Variants in PRKCE observed in about 807,000 individuals in gnomAD.
PRKCE encodes the protein protein kinase C epsilon type.
PRKCE carries 16 observed loss-of-function variants against 85.4 expected under a neutral mutation model. The ratio of observed to expected loss-of-function variants is 0.19; its 90% confidence interval spans 0.13 to 0.28. The LOEUF (loss-of-function observed/expected upper bound fraction) is 0.28, where lower values mean the gene tolerates loss of function less well. Among genes scored for constraint, PRKCE ranks in the 10% least tolerant of loss-of-function variants. The probability of loss-of-function intolerance (pLI) is 1.00; values close to 1 mark genes in which losing one functional copy is unlikely to be tolerated. For missense variants in PRKCE, 573 were observed against 975.2 expected, an observed-to-expected ratio of 0.59 and a Z score of 5.49; for synonymous variants, 388 against 371.5, an observed-to-expected ratio of 1.04 and a Z score of -0.51.
At chr2:46,087,729 C>G (rs1475998591) in intron 11 of PRKCE, among the ~76,000 whole-genome samples, 1 of 152,228 alleles carries the variant, frequency 6.6e-6, no homozygotes, top group Non-Finnish European at 1.5e-5. Context: ...CATGACTTAC[C>G]TACATGCCCT....
chr2:46,021,983 A>G (rs562769190), intron 10 of PRKCE, among the ~76,000 whole-genome samples: 2 of 152,022 alleles, frequency 1.3e-5, no homozygotes, highest in Admixed American at 6.5e-5. Context: ...CTTTCCCCAT[A>G]TAACCCGAAC....
chr2:45,746,499 T>G (rs1332132488), intron 1 of PRKCE, among the ~76,000 whole-genome samples: 1 of 152,174 alleles, frequency 6.6e-6, no homozygotes, highest in Non-Finnish European at 1.5e-5. Flanking sequence ...TAGGAGTGTA[T>G]CCATTCCCTA....
At chr2:46,091,013 C>T (rs1193034287) in intron 11 of PRKCE, among the ~76,000 whole-genome samples, 3 of 152,174 alleles carry the variant, frequency 2.0e-5, no homozygotes, top group Non-Finnish European at 4.4e-5. Context: ...TAAGAGAAGT[C>T]ATTTCTCTGG....
At chr2:46,141,525 A>G (rs1390860594) in intron 11 of PRKCE, among the ~76,000 whole-genome samples, 1 of 152,218 alleles carries the variant, frequency 6.6e-6, no homozygotes, top group Non-Finnish European at 1.5e-5. Context: ...TGCAGGAGGG[A>G]GAATTTTTAC....
chr2:46,044,932 T>A (rs1708429037), intron 10 of PRKCE, among the ~76,000 whole-genome samples: 1 of 152,242 alleles, frequency 6.6e-6, no homozygotes, highest in African/African-American at 2.4e-5. Context: ...CATGTTTGTA[T>A]CTTCTTATTC....
At chr2:45,851,449 G>C (rs1244542002) in intron 2 of PRKCE, among the ~76,000 whole-genome samples, 3 of 152,170 alleles carry the variant, frequency 2.0e-5, no homozygotes, top group Admixed American at 6.5e-5. Flanking sequence ...GTGTGTGTTT[G>C]GGAGGGGTAT....
chr2:45,740,041 G>A (rs894103383), intron 1 of PRKCE, among the ~76,000 whole-genome samples: 1 of 152,064 alleles, frequency 6.6e-6, no homozygotes, highest in Non-Finnish European at 1.5e-5. Context: ...TGTCAGCCAG[G>A]CATGGTGGCT....
chr2:46,013,214 C>T, intron 10 of PRKCE, among the ~76,000 whole-genome samples: 1 of 152,192 alleles, frequency 6.6e-6, no homozygotes, highest in South Asian at 2.1e-4. Flanking sequence ...GTGACTTTCC[C>T]TATGACAAAC....
chr2:46,171,516 G>A (rs1014374790), intron 14 of PRKCE, among the ~76,000 whole-genome samples: 1 of 152,254 alleles, frequency 6.6e-6, no homozygotes, highest in African/African-American at 2.4e-5. Context: ...CATCATGGGA[G>A]GCAGGATAGT....
chr2:45,815,673 T>C (rs1320215383), intron 1 of PRKCE, among the ~76,000 whole-genome samples: 1 of 152,250 alleles, frequency 6.6e-6, no homozygotes, highest in Non-Finnish European at 1.5e-5. Context: ...GGAGATGTTT[T>C]ATGGATAGAA....
At chr2:46,173,953 T>C (rs1679168622) in intron 14 of PRKCE, among the ~76,000 whole-genome samples, 2 of 152,218 alleles carry the variant, frequency 1.3e-5, no homozygotes, top group Admixed American at 1.3e-4. Flanking sequence ...CAAACAATAA[T>C]GAGACTGGAG....
intron 10 of PRKCE, among the ~76,000 whole-genome samples, chr2:46,053,167 A>C (rs1042194449): frequency 2.6e-5 from 4 of 152,234 alleles, no homozygotes; most frequent in African/African-American, 7.2e-5. Context: ...AAACATGGGG[A>C]GAAGCCCCAC....
Position 45,749,694 on chromosome 2 carries a change from T to A in PRKCE, c.349-93306T>A, listed in dbSNP as rs536799576. Among the ~76,000 whole-genome samples, 36 of 152,356 alleles carry A rather than the reference T, an allele frequency of 2.4e-4. 1 individual carries two copies. The highest frequency in any genetic ancestry group is 8.7e-4 in the African/African-American group (36 of 41,586). On this transcript the variant is annotated intron_variant, in intron 1 of 14. Coordinates refer to ENST00000306156, the MANE Select transcript of PRKCE (RefSeq NM_005400.3). ...AGAATGCTATGAAGTGTAGGTACTA[T>A]GATTAGTGAGGCAAAGTGAATTCTC...
intron 2 of PRKCE, among the ~76,000 whole-genome samples, chr2:45,902,238 C>A (rs1040264672): frequency 1.1e-4 from 17 of 152,172 alleles, no homozygotes; most frequent in African/African-American, 4.1e-4. Context: ...TGAGAGAAGC[C>A]AGCTCACGGC....
intron 10 of PRKCE, among the ~76,000 whole-genome samples, chr2:46,031,546 T>C (rs773734045): frequency 2.4e-4 from 37 of 152,000 alleles, no homozygotes; most frequent in Non-Finnish European, 1.0e-4. Flanking sequence ...TCACTGTCAG[T>C]ACCCAAAGGC....
intron 1 of PRKCE, among the ~76,000 whole-genome samples, chr2:45,841,561 A>C (rs1691351461): frequency 6.6e-6 from 1 of 152,336 alleles, no homozygotes; most frequent in South Asian, 2.1e-4. Context: ...GCCCACCCAG[A>C]TTGAGAATGG....
chr2:46,066,977 A>G lies in PRKCE; in HGVS notation c.1438-19231A>G, dbSNP rs775531151. 3.3e-5 allele frequency among the ~76,000 whole-genome samples: 5 copies of G among 152,238 alleles called. No homozygotes were observed. In the South Asian group the frequency reaches 1.0e-3, roughly 32 times the overall value. On this transcript the variant is annotated intron_variant, in intron 10 of 14. Transcript: ENST00000306156. ...TGATGACATTGTATTACTTCTGTGC[A>G]TGGACAGGAACTAGAACGGCTAATA... is the stretch of plus-strand genomic sequence containing the variant.
At chr2:45,682,434 TTA>T (rs1360522738) in intron 1 of PRKCE, among the ~76,000 whole-genome samples, 5 of 152,106 alleles carry the variant, frequency 3.3e-5, no homozygotes, top group Non-Finnish European at 5.9e-5. Context: ...TTTTATTTAT[TTA>T]TTTTTTTTGA....
At chr2:45,671,755 A>G (rs1315363748) in intron 1 of PRKCE, among the ~76,000 whole-genome samples, 3 of 152,122 alleles carry the variant, frequency 2.0e-5, no homozygotes, top group Non-Finnish European at 2.9e-5. Flanking sequence ...AAGTTTAGTG[A>G]CTTGATCAAA....
Sources: allele counts gnomAD v4.1 joint callset (sites outside exome capture counted in the v4.1 genomes callset), GRCh38; gene constraint gnomAD v4.1.1; transcripts MANE v1.5; gene names NCBI Gene and HGNC (gene_info 2026-07-23, HGNC 2026-07-21).